VCAM1: variants seen among roughly 807,000 people sequenced by gnomAD.
The protein encoded by VCAM1 is vascular cell adhesion molecule 1.
VCAM1 carries 41 observed loss-of-function variants against 63.8 expected under a neutral mutation model. That is an observed-to-expected ratio of 0.64 (90% CI 0.50 to 0.83). The LOEUF (loss-of-function observed/expected upper bound fraction) is 0.83. Ranked by LOEUF, VCAM1 falls within the 40% of genes least tolerant of loss-of-function variation. The probability of loss-of-function intolerance (pLI) is 0.00; values close to 1 mark genes in which losing one functional copy is unlikely to be tolerated. For synonymous variants in VCAM1, 338 were observed against 320.7 expected, an observed-to-expected ratio of 1.05 and a Z score of -0.58; for missense variants, 798 against 875.5, an observed-to-expected ratio of 0.91 and a Z score of 1.12.
intron 2 of VCAM1, 23 bp downstream of exon 2, chr1:100,720,774 G>A: frequency 6.4e-7 from 1 of 1,557,204 alleles, no homozygotes; most frequent in South Asian, 1.2e-5. Flanking sequence ...GAAAATCTTT[G>A]TTTTTCTCTC....
At chr1:100,720,021 A>G (rs1659902676) in intron 1 of VCAM1, 97 bp downstream of exon 1, 3 of 1,321,466 alleles carry the variant, frequency 2.3e-6, no homozygotes, top group Middle Eastern at 3.8e-4. Flanking sequence ...AAGTAAAGAC[A>G]CTAGGATTTT....
intron 8 of VCAM1, among the ~76,000 whole-genome samples, 186 bp downstream of exon 8, chr1:100,734,954 C>T (rs1660598152): frequency 6.6e-6 from 1 of 152,204 alleles, no homozygotes; most frequent in Non-Finnish European, 1.5e-5. Context: ...TGACATTAAT[C>T]ATTCGTGACT....
chr1:100,720,013 G>T (rs1490644217), intron 1 of VCAM1, 89 bp downstream of exon 1: 1 of 1,374,032 alleles, frequency 7.3e-7, no homozygotes, highest in Admixed American at 1.9e-5. Context: ...TAGTAGTGAA[G>T]TAAAGACACT....
chr1:100,723,256 C>A lies in VCAM1; in HGVS notation c.577C>A (p.Leu193Ile), dbSNP rs767446399. Residue 193 changes from leucine (L) to isoleucine (I), a missense_variant, in exon 3 of 9, where the codon CTT becomes ATT. Coordinates refer to ENST00000294728, the MANE Select transcript of VCAM1 (RefSeq NM_001078.4). ...TGTCATTGAGGATATTGGAAAAGTT[C>A]TTGTTTGCCGAGCTAAATTACACAT... is the stretch of plus-strand genomic sequence containing the variant. Reference protein sequence around the residue: ...TPVIEDIGKVLVCRAKLHIDE... With the variant: ...TPVIEDIGKVIVCRAKLHIDE... 8.7e-6 allele frequency: 14 copies of A among 1,612,924 alleles called. 1 individual carries two copies. In the Admixed American group the frequency reaches 2.0e-4, roughly 23 times the overall value.
intron 1 of VCAM1, 62 bp from the exon 2 acceptor site, chr1:100,720,414 A>G (rs573442207): frequency 2.6e-6 from 4 of 1,545,078 alleles, no homozygotes; most frequent in South Asian, 1.2e-5. Context: ...TACAGAGAAG[A>G]AGGAGGAGAA....
intron 3 of VCAM1, among the ~76,000 whole-genome samples, chr1:100,723,842 A>G (rs1261163669): frequency 6.6e-6 from 1 of 151,820 alleles, no homozygotes; most frequent in Non-Finnish European, 1.5e-5. Flanking sequence ...ATTGCCTCCA[A>G]TCTCCCTGAT....
At position 100,720,488 on chromosome 1, in the gene VCAM1, A is replaced by C; in HGVS notation, c.77A>C (p.Lys26Thr). 6.2e-7 allele frequency: 1 copy of C among 1,604,896 alleles called. No individual in the cohort carries two copies. The highest frequency in any genetic ancestry group is 1.7e-4 in the Middle Eastern group (1 of 6,008). The change falls in exon 2 of 9, where the codon AAA becomes ACA. Residue 26 changes from lysine to threonine, a missense_variant. Transcript: ENST00000294728. ...TTTGCTTTTGCAGCTCAAGCTTTTA[A>C]AATCGAGACCACCCCAGAATCTAGA... ...WIMFAASQAF[K>T]IETTPESRYL...
intron 7 of VCAM1, 137 bp downstream of exon 7, chr1:100,732,821 C>A: frequency 1.1e-6 from 1 of 940,190 alleles, no homozygotes; most frequent in Non-Finnish European, 1.5e-6. Flanking sequence ...ATGATGTTTC[C>A]AATGTATGGA....
Position 100,731,306 on chromosome 1 carries a change from T to C in VCAM1, c.1313T>C (p.Ile438Thr), listed in dbSNP as rs1462535739. 6.8e-6 allele frequency: 11 copies of C among 1,613,750 alleles called. No homozygotes were observed. The highest frequency in any genetic ancestry group is 3.3e-5 in the Admixed American group (2 of 59,954). The change falls in exon 6 of 9, where the codon ATT becomes ACT. Residue 438 changes from isoleucine to threonine, a missense_variant. By Grantham distance (89) the Ile-to-Thr change is moderately conservative. Coordinates refer to ENST00000294728, the MANE Select transcript of VCAM1 (RefSeq NM_001078.4). The surrounding 1 kb of genome is among the most constrained non-coding windows in gnomAD (Gnocchi z 4.2). Reference sequence around the variant, plus strand: ...GTGTACCCCCTTGACCGGCTGGAGATTGAATTACTTAAGGGGGAGACTATT... The same window carrying C: ...GTGTACCCCCTTGACCGGCTGGAGACTGAATTACTTAAGGGGGAGACTATT... ...PSVYPLDRLE[I>T]ELLKGETILE...
intron 2 of VCAM1, 132 bp downstream of exon 2, chr1:100,720,883 A>C: frequency 8.9e-7 from 1 of 1,124,006 alleles, no homozygotes; most frequent in Non-Finnish European, 1.2e-6. Context: ...ATACAACATC[A>C]GGAAAGCTAG....
chr1:100,730,571 C>A (rs372693292), intron 5 of VCAM1, among the ~76,000 whole-genome samples: 38 of 152,240 alleles, frequency 2.5e-4, no homozygotes, highest in African/African-American at 9.1e-4. Context: ...AAAATTTAAA[C>A]TAAGTTGAGA....
intron 4 of VCAM1, 26 bp from the exon 5 acceptor site, chr1:100,729,081 C>T (rs1660289540): frequency 2.0e-6 from 3 of 1,486,906 alleles, no homozygotes; most frequent in Non-Finnish European, 2.7e-6. Flanking sequence ...ATGTTCTTTT[C>T]ATCTTGTTTT....
intron 1 of VCAM1, among the ~76,000 whole-genome samples, 160 bp downstream of exon 1, chr1:100,720,084 G>C (rs1198001930): frequency 6.6e-6 from 1 of 152,078 alleles, no homozygotes; most frequent in Non-Finnish European, 1.5e-5. Context: ...ATTGAGTTTT[G>C]CTATATACCA....
Position 100,731,678 on chromosome 1 carries a change from C to T in VCAM1, c.1525+160C>T, listed in dbSNP as rs1186934143. Among the ~76,000 whole-genome samples, 1 of 152,162 alleles carries T rather than the reference C, an allele frequency of 6.6e-6. No homozygotes were observed. The highest frequency in any genetic ancestry group is 1.5e-5 in the Non-Finnish European group (1 of 68,024). Reference sequence around the variant, plus strand: ...TGATGATTGTAACAAATCACCCTCCCTAAACTTAAAATAGTAACTATTTAC... The same window carrying T: ...TGATGATTGTAACAAATCACCCTCCTTAAACTTAAAATAGTAACTATTTAC... On this transcript the variant is annotated intron_variant, in intron 6 of 8. Transcript: ENST00000294728. The surrounding 1 kb of genome is among the most constrained non-coding windows in gnomAD (Gnocchi z 4.2).
At chr1:100,725,549 G>A (rs563151427) in intron 4 of VCAM1, among the ~76,000 whole-genome samples, 32 of 152,032 alleles carry the variant, frequency 2.1e-4, no homozygotes, top group African/African-American at 7.0e-4. Flanking sequence ...CCTATTGATT[G>A]TACACCTAAT....
chr1:100,729,262 G>C lies in VCAM1; in HGVS notation c.1084G>C (p.Glu362Gln), dbSNP rs1324525498. 1 of 1,613,464 alleles carries C rather than the reference G, an allele frequency of 6.2e-7. No homozygotes were observed. Among genetic ancestry groups the C allele is most frequent in the East Asian group, 2.2e-5 (1 of 44,860 alleles). Residue 362 changes from glutamate to glutamine, a missense_variant, in exon 5 of 9, where the codon GAG becomes CAG. Transcript: ENST00000294728. ...DSPLSGKVRS[E>Q]GTNSTLTLSP... is the part of the protein sequence containing the mutation. ...CCCTCTGAGCGGGAAGGTGAGGAGT[G>C]AGGGGACCAATTCCACGCTGACCCT...
Position 100,728,332 on chromosome 1 carries a change from A to G in VCAM1, c.929-775A>G, listed in dbSNP as rs193016453. Reference sequence around the variant, plus strand: ...TTGACTTTGATTTCAGGATGATGCTATGTGACTTTCAGTGGTATAACTGTA... The same window carrying G: ...TTGACTTTGATTTCAGGATGATGCTGTGTGACTTTCAGTGGTATAACTGTA... On this transcript the variant is annotated intron_variant, in intron 4 of 8. Coordinates refer to ENST00000294728, the MANE Select transcript of VCAM1 (RefSeq NM_001078.4). Among the ~76,000 whole-genome samples, 383 of 152,212 alleles carry G rather than the reference A, an allele frequency of 2.5e-3. 2 individuals carry two copies. Among genetic ancestry groups the G allele is most frequent in the Middle Eastern group, 0.01 (3 of 294 alleles).
chr1:100,725,329 C>T (rs1660124226), intron 4 of VCAM1, among the ~76,000 whole-genome samples: 1 of 151,940 alleles, frequency 6.6e-6, no homozygotes, highest in South Asian at 2.1e-4. Flanking sequence ...GGAATATGAC[C>T]TCTTCTTCAC....
At chr1:100,723,749 T>C (rs914091675) in intron 3 of VCAM1, among the ~76,000 whole-genome samples, 5 of 152,056 alleles carry the variant, frequency 3.3e-5, no homozygotes, top group South Asian at 2.1e-4. Context: ...TGATCACTTA[T>C]TCTGTGTGTG....
Sources: gnomAD v4.1 joint callset for allele counts (sites outside exome capture counted in the v4.1 genomes callset) on GRCh38, gnomAD v4.1.1 for gene constraint, Gnocchi (gnomAD v3.1) non-coding constraint, MANE v1.5 for transcripts, NCBI Gene and HGNC (gene_info 2026-07-23, HGNC 2026-07-21) for gene names.